The following SGCZ variants were observed in gnomAD, a reference collection of about 807,000 sequenced individuals.
SGCZ encodes zeta-sarcoglycan.
Under a neutral mutation model 41.3 loss-of-function variants are expected in SGCZ, and 40 were observed. That is an observed-to-expected ratio of 0.97 (90% CI 0.75 to 1.26). The LOEUF (loss-of-function observed/expected upper bound fraction) is 1.26. SGCZ is among the 50% of genes most tolerant of loss of function. The pLI is 0.00. For missense variants in SGCZ, 552 were observed against 369.8 expected, an observed-to-expected ratio of 1.49 and a Z score of -4.04; for synonymous variants, 206 against 137.5, an observed-to-expected ratio of 1.50 and a Z score of -3.49.
intron 5 of SGCZ, among the ~76,000 whole-genome samples, chr8:14,139,336 CTA>C (rs1803296443): frequency 6.6e-6 from 1 of 152,118 alleles, no homozygotes; most frequent in Non-Finnish European, 1.5e-5. Flanking sequence ...CAAGAAATAA[CTA>C]AGATCAGAGC....
intron 1 of SGCZ, among the ~76,000 whole-genome samples, chr8:15,075,216 G>C (rs1163923083): frequency 2.5e-5 from 2 of 80,844 alleles, no homozygotes; most frequent in South Asian, 4.2e-4. Flanking sequence ...AGTTTATGTA[G>C]TAGTCAGACA....
At chr8:14,442,419 G>C (rs527657508) in intron 2 of SGCZ, among the ~76,000 whole-genome samples, 1 of 152,142 alleles carries the variant, frequency 6.6e-6, no homozygotes, top group East Asian at 1.9e-4. Context: ...ATGTGGAACT[G>C]TGAGTCCATT....
At chr8:14,525,038 T>C (rs1389362822) in intron 2 of SGCZ, among the ~76,000 whole-genome samples, 1 of 151,960 alleles carries the variant, frequency 6.6e-6, no homozygotes, top group African/African-American at 2.4e-5. Context: ...GATAGAAAGA[T>C]TGATAGGTAG....
At chr8:14,213,457 T>C (rs1585238047) in intron 4 of SGCZ, among the ~76,000 whole-genome samples, 2 of 152,064 alleles carry the variant, frequency 1.3e-5, no homozygotes, top group African/African-American at 2.4e-5. Context: ...GGTAAAACTA[T>C]CCTTCAGGAA....
chr8:14,102,105 AT>A (rs11294521), intron 7 of SGCZ, among the ~76,000 whole-genome samples: 6,587 of 43,580 alleles, frequency 0.15, 194 homozygotes, highest in East Asian at 0.35. Context: ...TATATATATA[AT>A]TTTTTTTTTT....
At chr8:14,190,784 A>T (rs1265010252) in intron 4 of SGCZ, among the ~76,000 whole-genome samples, 2 of 151,706 alleles carry the variant, frequency 1.3e-5, no homozygotes, top group Admixed American at 6.6e-5. Flanking sequence ...TTATATTTTT[A>T]GTAGAGACGG....
intron 1 of SGCZ, among the ~76,000 whole-genome samples, chr8:14,983,287 T>A (rs143553169): frequency 0.012 from 1,787 of 151,918 alleles, 37 homozygotes; most frequent in African/African-American, 0.041. Context: ...CAGGTTGAAC[T>A]GGTAGGCTTA....
chr8:14,554,935 G>GA lies in SGCZ; in HGVS notation c.40-10dup. On this transcript the variant is annotated splice_polypyrimidine_tract_variant and intron_variant, in intron 1 of 7. Transcript: ENST00000382080. ...TATTGTTCTCGTGTCATCTGAAAAA[G>GA]AAAAAAGAAAGAAAGAGAAAGAAGG... 1 of 1,384,952 alleles carries GA rather than the reference G, an allele frequency of 7.2e-7. No individual in the cohort carries two copies. The highest frequency in any genetic ancestry group is 9.4e-7 in the Non-Finnish European group (1 of 1,060,162). The allele number at this position is 1,384,952 out of a possible 1,614,324, so 85.8% of individuals were successfully genotyped here.
chr8:14,507,041 A>G (rs1802326642), intron 2 of SGCZ, among the ~76,000 whole-genome samples: 1 of 151,814 alleles, frequency 6.6e-6, no homozygotes, highest in African/African-American at 2.4e-5. Context: ...AATCTCTGTG[A>G]TTGCCTGATC....
intron 1 of SGCZ, among the ~76,000 whole-genome samples, chr8:14,888,868 G>A (rs944591900): frequency 6.6e-6 from 1 of 151,960 alleles, no homozygotes; most frequent in Non-Finnish European, 1.5e-5. Flanking sequence ...AATAAATATG[G>A]CTTAAAATAT....
At chr8:14,628,130 A>T (rs916328988) in intron 1 of SGCZ, among the ~76,000 whole-genome samples, 1 of 152,072 alleles carries the variant, frequency 6.6e-6, no homozygotes, top group African/African-American at 2.4e-5. Context: ...TTAATGCTAC[A>T]TTGGCCATTT....
chr8:15,222,030 T>C (rs115901934), intron 1 of SGCZ, among the ~76,000 whole-genome samples: 345 of 152,332 alleles, frequency 2.3e-3, no homozygotes, highest in African/African-American at 7.6e-3. Context: ...TTTCCTCTTA[T>C]TCACTTTTAC....
At chr8:14,535,092 C>T (rs1029508037) in intron 2 of SGCZ, among the ~76,000 whole-genome samples, 6 of 151,934 alleles carry the variant, frequency 3.9e-5, no homozygotes, top group African/African-American at 1.4e-4. Context: ...TGTTTATGCA[C>T]TAACTGTACA....
chr8:14,766,518 CA>C (rs1040015211), intron 1 of SGCZ, among the ~76,000 whole-genome samples: 19 of 151,974 alleles, frequency 1.3e-4, no homozygotes, highest in African/African-American at 4.3e-4. Context: ...ATCAAAAAGA[CA>C]ATAATACTTA....
At chr8:14,309,018 A>T in intron 3 of SGCZ, 1 of 1,150,960 alleles carries the variant, frequency 8.7e-7, no homozygotes, top group Non-Finnish European at 1.2e-6. Context: ...CCTCACTTTT[A>T]CCAGAAAATG....
intron 1 of SGCZ, among the ~76,000 whole-genome samples, chr8:14,911,414 T>C (rs961105185): frequency 5.3e-5 from 8 of 152,020 alleles, no homozygotes; most frequent in Admixed American, 3.3e-4. Flanking sequence ...TAAATAGCTA[T>C]TGAATCAAGA....
At chr8:14,100,312 C>T (rs1317064243) in intron 7 of SGCZ, among the ~76,000 whole-genome samples, 1 of 151,152 alleles carries the variant, frequency 6.6e-6, no homozygotes, top group Non-Finnish European at 1.5e-5. Context: ...AATAAAAGAA[C>T]ATATGTAAAT....
rs184334592 is a variant in SGCZ at position 14,852,928 on chromosome 8, G to C, written c.40-298002C>G. On this transcript the variant is annotated intron_variant, in intron 1 of 7. Transcript: ENST00000382080. ...AAACACATATGTTACTATTTCTATGGGGCTTTTCCTTTACTAGGAATGGAA... is the reference window on the plus strand; with the variant it reads ...AAACACATATGTTACTATTTCTATGCGGCTTTTCCTTTACTAGGAATGGAA... Among the ~76,000 whole-genome samples the C allele has an allele frequency of 6.1e-3, 931 of 152,102 alleles. 6 individuals are homozygous for C. Among genetic ancestry groups the C allele is most frequent in the Non-Finnish European group, 0.011 (746 of 67,996 alleles).
intron 1 of SGCZ, among the ~76,000 whole-genome samples, chr8:14,886,837 G>C (rs78917179): frequency 6.6e-6 from 1 of 152,080 alleles, no homozygotes; most frequent in Non-Finnish European, 1.5e-5. Context: ...GACTAAAGGG[G>C]CAAGTTGGCA....
Sources: allele counts gnomAD v4.1 joint callset (sites outside exome capture counted in the v4.1 genomes callset), GRCh38; gene constraint gnomAD v4.1.1; transcripts MANE v1.5; gene names NCBI Gene and HGNC (gene_info 2026-07-23, HGNC 2026-07-21).